Variants in SUCLG2 observed in about 807,000 individuals in gnomAD.
SUCLG2 encodes the protein succinate--CoA ligase [GDP-forming] subunit beta, mitochondrial.
In SUCLG2, 42 loss-of-function variants were observed where a neutral mutation model predicts 47.9. That is an observed-to-expected ratio of 0.88 (90% CI 0.69 to 1.14). The LOEUF is 1.14. Among genes scored for constraint, SUCLG2 ranks in the 50% most tolerant of loss-of-function variants. The pLI is 0.00. For missense variants in SUCLG2, 571 were observed against 525.9 expected (o/e 1.09, Z -0.84); for synonymous variants, 195 against 197.3 (o/e 0.99, Z 0.10).
intron 9 of SUCLG2, among the ~76,000 whole-genome samples, chr3:67,425,714 G>C (rs1266308433): frequency 6.6e-6 from 1 of 152,182 alleles, no homozygotes; most frequent in Non-Finnish European, 1.5e-5. Flanking sequence ...ACAGACAGCA[G>C]ATTGTGGGAT....
chr3:67,632,094 TAA>T (rs1269499953), intron 1 of SUCLG2, among the ~76,000 whole-genome samples: 1 of 152,204 alleles, frequency 6.6e-6, no homozygotes, highest in Non-Finnish European at 1.5e-5. Context: ...ACTTCAAAGC[TAA>T]AAAGTTTCTC....
At chr3:67,439,846 C>T (rs1703715050) in intron 9 of SUCLG2, among the ~76,000 whole-genome samples, 1 of 152,156 alleles carries the variant, frequency 6.6e-6, no homozygotes, top group African/African-American at 2.4e-5. Flanking sequence ...CATCAAGCTA[C>T]CACTGACTTT....
chr3:67,392,352 T>C (rs190647744), intron 10 of SUCLG2, among the ~76,000 whole-genome samples: 316 of 152,354 alleles, frequency 2.1e-3, no homozygotes, highest in Non-Finnish European at 2.7e-3. Flanking sequence ...GGGAATCCCA[T>C]GCTGCCGTCA....
At chr3:67,645,265 G>T (rs1171988243) in intron 1 of SUCLG2, among the ~76,000 whole-genome samples, 1 of 151,836 alleles carries the variant, frequency 6.6e-6, no homozygotes, top group Admixed American at 6.6e-5. Context: ...GGTCATAAAA[G>T]CCTCATCATA....
intron 9 of SUCLG2, among the ~76,000 whole-genome samples, chr3:67,474,266 A>G (rs111993079): frequency 0.032 from 4,844 of 152,178 alleles, 252 homozygotes; most frequent in African/African-American, 0.11. Flanking sequence ...TCTCAAAAAA[A>G]AAAGAAAGAA....
downstream of SUCLG2, among the ~76,000 whole-genome samples, chr3:67,372,159 A>G (rs772593997): frequency 2.6e-5 from 4 of 152,196 alleles, no homozygotes; most frequent in Non-Finnish European, 4.4e-5. Context: ...CATGTGATGG[A>G]TGACTATATG....
Position 67,375,844 on chromosome 3 carries a change from T to G in SUCLG2, c.1199A>C (p.Glu400Ala), listed in dbSNP as rs766884460. ...GCTGTTGTTGAGTATCTTCTGGGCC[T>G]CTTGGACGTTGGTTCCTAGAAGGGG... ...VVRLEGTNVQ[E>A]AQKILNNSGL... Residue 400 changes from glutamate (E) to alanine (A), a missense_variant, in exon 11 of 11, where the codon GAG (glutamate) becomes GCG (alanine). Coordinates refer to ENST00000307227, the MANE Select transcript of SUCLG2 (RefSeq NM_003848.4). The G allele has an allele frequency of 1.2e-6, 2 of 1,613,686 alleles. No homozygotes were observed. The highest frequency in any genetic ancestry group is 1.7e-6 in the Non-Finnish European group (2 of 1,179,818).
At chr3:67,360,694 C>A (rs1026912146) in exon 11 of SUCLG2, 2 of 1,529,590 alleles carry the variant, frequency 1.3e-6, no homozygotes, top group African/African-American at 2.7e-5. Flanking sequence ...TCTTGGATAC[C>A]AGTTATATTC....
chr3:67,426,806 T>C (rs1703312454), intron 9 of SUCLG2, among the ~76,000 whole-genome samples: 1 of 152,070 alleles, frequency 6.6e-6, no homozygotes. Context: ...TTCGCGCCTG[T>C]AGTCCCAACT....
At chr3:67,504,822 C>G (rs1055664223) in intron 7 of SUCLG2, among the ~76,000 whole-genome samples, 1 of 151,852 alleles carries the variant, frequency 6.6e-6, no homozygotes, top group African/African-American at 2.4e-5. Context: ...CAGTGGCTAG[C>G]AAAATGAATG....
chr3:67,521,339 T>G (rs1222144576), intron 4 of SUCLG2, among the ~76,000 whole-genome samples: 2 of 152,144 alleles, frequency 1.3e-5, no homozygotes, highest in African/African-American at 2.4e-5. Context: ...TGGGAATATG[T>G]GGTCATTTGC....
At chr3:67,495,365 A>C (rs1441447325) in intron 9 of SUCLG2, among the ~76,000 whole-genome samples, 1 of 152,158 alleles carries the variant, frequency 6.6e-6, no homozygotes, top group African/African-American at 2.4e-5. Context: ...TATAAGACAG[A>C]AGTTGTGGGC....
intron 8 of SUCLG2, among the ~76,000 whole-genome samples, chr3:67,496,692 A>G (rs141159975): frequency 2.0e-4 from 31 of 152,298 alleles, no homozygotes; most frequent in Admixed American, 4.6e-4. Context: ...AAGTAGGTAG[A>G]GAGTTTTAAT....
At chr3:67,602,776 G>A (rs1304292669) in intron 2 of SUCLG2, among the ~76,000 whole-genome samples, 1 of 152,178 alleles carries the variant, frequency 6.6e-6, no homozygotes, top group African/African-American at 2.4e-5. Flanking sequence ...TTATTCGTGA[G>A]CACCTACTGC....
chr3:67,640,025 T>C (rs1028993284), intron 1 of SUCLG2, among the ~76,000 whole-genome samples: 9 of 152,204 alleles, frequency 5.9e-5, no homozygotes, highest in African/African-American at 2.2e-4. Context: ...TAGAAGGAGA[T>C]AGCATAATTA....
chr3:67,389,329 G>A (rs1702328191), intron 10 of SUCLG2, among the ~76,000 whole-genome samples: 1 of 152,204 alleles, frequency 6.6e-6, no homozygotes, highest in Admixed American at 6.5e-5. Context: ...ACACTGGAGA[G>A]AGTGCATGTG....
chr3:67,634,127 T>C (rs1455436986), intron 1 of SUCLG2, among the ~76,000 whole-genome samples: 1 of 152,226 alleles, frequency 6.6e-6, no homozygotes, highest in Non-Finnish European at 1.5e-5. Flanking sequence ...TCCTTTCGTA[T>C]CCACATGATC....
chr3:67,383,586 A>G (rs1243703475), intron 10 of SUCLG2, among the ~76,000 whole-genome samples: 1 of 152,206 alleles, frequency 6.6e-6, no homozygotes, highest in African/African-American at 2.4e-5. Flanking sequence ...CCATCACAGC[A>G]GGAGCCCCCA....
intron 9 of SUCLG2, among the ~76,000 whole-genome samples, chr3:67,407,912 C>T (rs889022614): frequency 2.0e-5 from 3 of 151,846 alleles, no homozygotes; most frequent in Admixed American, 6.6e-5. Flanking sequence ...TGGCAGCCAA[C>T]GAAGGAAAAT....
Sources: allele counts gnomAD v4.1 joint callset (sites outside exome capture counted in the v4.1 genomes callset), GRCh38; gene constraint gnomAD v4.1.1; transcripts MANE v1.5; gene names NCBI Gene and HGNC (gene_info 2026-07-23, HGNC 2026-07-21).